TMEM143: variants seen among roughly 807,000 people sequenced by gnomAD.
The protein encoded by TMEM143 is transmembrane protein 143.
Under a neutral mutation model 40.3 loss-of-function variants are expected in TMEM143, and 45 were observed. The observed-to-expected ratio is 1.12, with a 90% confidence interval of 0.88 to 1.43. The LOEUF (loss-of-function observed/expected upper bound fraction) is 1.43. Among genes scored for constraint, TMEM143 ranks in the 40% most tolerant of loss-of-function variants. The probability of loss-of-function intolerance (pLI) is 0.00; values close to 1 mark genes in which losing one functional copy is unlikely to be tolerated. For synonymous variants in TMEM143, 299 were observed against 282.7 expected, an observed-to-expected ratio of 1.06 and a Z score of -0.58; for missense variants, 620 against 613.4, an observed-to-expected ratio of 1.01 and a Z score of -0.11.
intron 3 of TMEM143, among the ~76,000 whole-genome samples, chr19:48,354,473 C>T (rs1969843493): frequency 6.6e-6 from 1 of 152,060 alleles, no homozygotes; most frequent in Admixed American, 6.6e-5. Context: ...CCATGTTGGC[C>T]AAGCTGGTCT....
chr19:48,360,033 C>G (rs371404057), intron 3 of TMEM143, 39 bp downstream of exon 3: 2 of 1,589,110 alleles, frequency 1.3e-6, no homozygotes, highest in African/African-American at 1.3e-5. Flanking sequence ...AGCGGATGCT[C>G]GAACAAGCAC....
chr19:48,339,049 C>T (rs1453226745), intron 6 of TMEM143, among the ~76,000 whole-genome samples: 4 of 152,106 alleles, frequency 2.6e-5, no homozygotes, highest in African/African-American at 4.8e-5. Context: ...GGATTGTGTC[C>T]AGTGAGGCTG....
chr19:48,334,462 CTT>C (rs1204691066), intron 6 of TMEM143, among the ~76,000 whole-genome samples: 3 of 47,096 alleles, frequency 6.4e-5, no homozygotes, highest in Admixed American at 2.3e-4. Flanking sequence ...TTCTTTCTTT[CTT>C]TCTTTCTTTC....
chr19:48,334,092 C>G lies in TMEM143; in HGVS notation c.1081G>C (p.Ala361Pro). 6.3e-7 allele frequency: 1 copy of G among 1,592,422 alleles called. No individual in the cohort carries two copies. Among genetic ancestry groups the G allele is most frequent in the Non-Finnish European group, 8.5e-7 (1 of 1,170,682 alleles). ...SELLSALALRAQDEHTKEALL... is the reference protein window; with the variant it reads ...SELLSALALRPQDEHTKEALL... ...GCCTCCTTGGTGTGCTCGTCCTGCG[C>G]GCGCAGGGCCAGGGCGCTGAGCAGC... Residue 361 changes from alanine (A) to proline (P), a missense_variant, in exon 7 of 8, where the codon GCG becomes CCG. Physicochemically the swap from Ala to Pro is conservative, Grantham distance 27. Transcript: ENST00000293261.
chr19:48,344,053 A>ATT (rs1969569559), intron 4 of TMEM143, among the ~76,000 whole-genome samples: 3 of 151,428 alleles, frequency 2.0e-5, no homozygotes, highest in African/African-American at 7.3e-5. Flanking sequence ...TGCCTGGCTA[A>ATT]TTTTTGTATT....
At position 48,363,811 on chromosome 19, in the gene TMEM143, T is replaced by C. The variant is rs1053581894; in HGVS notation, c.23+87A>G. The C allele has an allele frequency of 4.4e-6, 7 of 1,596,666 alleles. No individual in the cohort carries two copies. In the East Asian group the frequency reaches 1.6e-4, roughly 36 times the overall value. On this transcript the variant is annotated intron_variant, in intron 1 of 7. Coordinates refer to ENST00000293261, the MANE Select transcript of TMEM143 (RefSeq NM_018273.4). Reference sequence around the variant, plus strand: ...GGGGTCTAGACAGCGAGGTAGATCTTAGGAGAGCAGGAAATGCTCGTAAAG... The same window carrying C: ...GGGGTCTAGACAGCGAGGTAGATCTCAGGAGAGCAGGAAATGCTCGTAAAG...
chr19:48,363,253 C>T (rs367676455), intron 2 of TMEM143, 38 bp downstream of exon 2: 41 of 1,577,852 alleles, frequency 2.6e-5, no homozygotes, highest in Non-Finnish European at 3.5e-5. Flanking sequence ...TGCTGGGAGC[C>T]GTAGTCCCCA....
At chr19:48,338,518 A>C (rs1371258749) in intron 6 of TMEM143, among the ~76,000 whole-genome samples, 1 of 152,348 alleles carries the variant, frequency 6.6e-6, no homozygotes, top group East Asian at 1.9e-4. Flanking sequence ...AGGCCCAGGC[A>C]CAAGCCAAAC....
chr19:48,357,138 G>A (rs1173814693), intron 3 of TMEM143, among the ~76,000 whole-genome samples: 4 of 151,134 alleles, frequency 2.6e-5, no homozygotes, highest in Non-Finnish European at 4.4e-5. Flanking sequence ...TGTATTTGCA[G>A]TAGAGACAGG....
In TMEM143 at chr19:48,352,104, G is replaced by A. The variant is rs556228191; in HGVS notation, c.370-6750C>T. Among the ~76,000 whole-genome samples the A allele has an allele frequency of 2.0e-5, 3 of 151,456 alleles. No individual in the cohort carries two copies. The East Asian group carries it at 5.9e-4, about 30-fold the overall frequency. Reference sequence around the variant, plus strand: ...CTACTAAAAATACAAAAAATTAGCTGAGCGCGGTGGTGGGCGCCTGTAGTC... The same window carrying A: ...CTACTAAAAATACAAAAAATTAGCTAAGCGCGGTGGTGGGCGCCTGTAGTC... On this transcript the variant is annotated intron_variant, in intron 3 of 7. Transcript: ENST00000293261.
At chr19:48,340,668 G>A (rs1339830786) in intron 6 of TMEM143, among the ~76,000 whole-genome samples, 1 of 152,092 alleles carries the variant, frequency 6.6e-6, no homozygotes, top group Non-Finnish European at 1.5e-5. Context: ...GGGACTCAGT[G>A]TCTTCTCCCC....
chr19:48,334,603 A>T (rs1212683947), intron 6 of TMEM143, among the ~76,000 whole-genome samples: 2 of 96,680 alleles, frequency 2.1e-5, no homozygotes, highest in Non-Finnish European at 3.9e-5. Context: ...TTTTTTTTCG[A>T]CAGGGTCTCG....
chr19:48,343,580 G>T (rs1171657847), intron 4 of TMEM143, 129 bp from the exon 5 acceptor site: 1 of 1,263,604 alleles, frequency 7.9e-7, no homozygotes, highest in East Asian at 2.6e-5. Context: ...TCACCATCTA[G>T]GCAGGGCTGT....
At chr19:48,346,574 CTTTT>C (rs1048394483) in intron 3 of TMEM143, among the ~76,000 whole-genome samples, 4 of 151,910 alleles carry the variant, frequency 2.6e-5, no homozygotes, top group African/African-American at 9.7e-5. Context: ...TTACTACTTT[CTTTT>C]TATTTATTTA....
intron 6 of TMEM143, among the ~76,000 whole-genome samples, chr19:48,339,435 C>G (rs1011335004): frequency 6.6e-6 from 1 of 152,188 alleles, no homozygotes; most frequent in Non-Finnish European, 1.5e-5. Flanking sequence ...GGGCCCCATA[C>G]TCCGCATCCC....
chr19:48,360,124 T>C lies in TMEM143; in HGVS notation c.317A>G (p.His106Arg), dbSNP rs1444715077. 2 of 1,614,182 alleles carry C rather than the reference T, an allele frequency of 1.2e-6. No homozygotes were observed. The highest frequency in any genetic ancestry group is 8.5e-7 in the Non-Finnish European group (1 of 1,180,034). Residue 106 changes from histidine (H) to arginine (R), a missense_variant, in exon 3 of 8, where the codon CAC becomes CGC. By Grantham distance (29) the His-to-Arg change is conservative. Coordinates refer to ENST00000293261, the MANE Select transcript of TMEM143 (RefSeq NM_018273.4). The part of the protein sequence containing the change: ...EKAALEAFSA[H>R]VDFCTLFHYH... ...GTGGAACAGGGTGCAGAAGTCCACGTGGGCCGAGAACGCCTCCAAAGCCGC... is the reference window on the plus strand; with the variant it reads ...GTGGAACAGGGTGCAGAAGTCCACGCGGGCCGAGAACGCCTCCAAAGCCGC...
intron 1 of TMEM143, 107 bp from the exon 2 acceptor site, chr19:48,363,638 C>T (rs1365589922): frequency 6.8e-7 from 1 of 1,473,384 alleles, no homozygotes; most frequent in Non-Finnish European, 9.0e-7. Flanking sequence ...AGGCAGGGCG[C>T]AGAGCCCATC....
Position 48,342,797 on chromosome 19 carries a change from C to CT in TMEM143, c.707dup (p.Arg237AlafsTer173). The CT allele has an allele frequency of 6.2e-7, 1 of 1,604,004 alleles. No individual in the cohort carries two copies. The highest frequency in any genetic ancestry group is 8.5e-7 in the Non-Finnish European group (1 of 1,172,298). On this transcript the variant is annotated frameshift_variant, in exon 6 of 8. Coordinates refer to ENST00000293261, the MANE Select transcript of TMEM143 (RefSeq NM_018273.4). LOFTEE classifies it high-confidence loss of function. Reference sequence around the variant, plus strand: ...TGGTCCGGGCTGCCAGGACCACCCGCTTAAAGTATCTCCTGAGGGACAGAG... The same window carrying CT: ...TGGTCCGGGCTGCCAGGACCACCCGCTTTAAAGTATCTCCTGAGGGACAGAG...
chr19:48,352,787 A>G (rs1270329808), intron 3 of TMEM143, among the ~76,000 whole-genome samples: 3 of 151,788 alleles, frequency 2.0e-5, no homozygotes, highest in African/African-American at 7.3e-5. Flanking sequence ...AAAAAAATAT[A>G]TATATATTTT....
Sources: allele counts gnomAD v4.1 joint callset (sites outside exome capture counted in the v4.1 genomes callset), GRCh38; gene constraint gnomAD v4.1.1; transcripts MANE v1.5; gene names NCBI Gene and HGNC (gene_info 2026-07-23, HGNC 2026-07-21).